KLHL4: variants seen among roughly 807,000 people sequenced by gnomAD.
The protein encoded by KLHL4 is kelch like family member 4.
Under a neutral mutation model 45.8 loss-of-function variants are expected in KLHL4, and 17 were observed. The ratio of observed to expected loss-of-function variants is 0.37; its 90% CI spans 0.25 to 0.56. The LOEUF (loss-of-function observed/expected upper bound fraction) is 0.56, where lower values mean the gene tolerates loss of function less well. KLHL4 is among the 20% of genes least tolerant of loss of function. The pLI is 0.79. For missense variants in KLHL4, 544 were observed against 544.9 expected (o/e 1.00, Z 0.02); for synonymous variants, 224 against 189.9 (o/e 1.18, Z -1.47).
intron 1 of KLHL4, among the ~76,000 whole-genome samples, chrX:87,583,063 G>A (rs1378873464): frequency 9.0e-6 from 1 of 111,255 alleles, no homozygotes; most frequent in Non-Finnish European, 1.9e-5. Flanking sequence ...TAATCCCCTT[G>A]CTAACTACAG....
rs1408440014 is a variant in KLHL4 at position 87,618,143 on chromosome X, T to C, written c.924+15T>C. 2 of 1,126,032 alleles carry C rather than the reference T, an allele frequency of 1.8e-6. No homozygotes were observed. Among genetic ancestry groups the C allele is most frequent in the Non-Finnish European group, 2.4e-6 (2 of 837,371 alleles). 92.8% of individuals were successfully genotyped at this position (1,126,032 alleles called of 1,213,427 possible). ...AATACACTATGGTAAAATCAATTGCTTCAACTGAACTTGTAGTAAAAATAT... is the reference window on the plus strand; with the variant it reads ...AATACACTATGGTAAAATCAATTGCCTCAACTGAACTTGTAGTAAAAATAT... On this transcript the variant is annotated intron_variant, in intron 4 of 10. Transcript: ENST00000373119.
At chrX:87,602,111 G>T (rs1019427930) in intron 1 of KLHL4, among the ~76,000 whole-genome samples, 1 of 110,816 alleles carries the variant, frequency 9.0e-6, no homozygotes, top group Admixed American at 9.6e-5. Context: ...ATATTTTTGT[G>T]CAGCTGTGCA....
At chrX:87,612,022 G>T (rs1250114497) in intron 1 of KLHL4, among the ~76,000 whole-genome samples, 1 of 111,947 alleles carries the variant, frequency 8.9e-6, no homozygotes, top group Non-Finnish European at 1.9e-5. Context: ...TGTACAGTGT[G>T]GTTAAGTGTT....
At chrX:87,623,236 A>G (rs1922810651) in intron 5 of KLHL4, among the ~76,000 whole-genome samples, 2 of 108,412 alleles carry the variant, frequency 1.8e-5, no homozygotes, top group Non-Finnish European at 3.8e-5. Context: ...TACTAATTAA[A>G]TGTTAATATT....
At chrX:87,662,312 G>T (rs1054047107) in intron 9 of KLHL4, among the ~76,000 whole-genome samples, 1 of 111,545 alleles carries the variant, frequency 9.0e-6, no homozygotes, top group East Asian at 2.8e-4. Context: ...AAATGAACAT[G>T]TGTTAAACAT....
At chrX:87,583,826 C>T (rs1921368550) in intron 1 of KLHL4, among the ~76,000 whole-genome samples, 2 of 110,975 alleles carry the variant, frequency 1.8e-5, no homozygotes, top group African/African-American at 3.3e-5. Flanking sequence ...TGCATAGCAA[C>T]TTAGGTACCA....
At chrX:87,646,303 A>G (rs1288129775) in intron 9 of KLHL4, among the ~76,000 whole-genome samples, 1 of 111,801 alleles carries the variant, frequency 8.9e-6, no homozygotes, top group Non-Finnish European at 1.9e-5. Flanking sequence ...CAGTATTGTG[A>G]TCATGACCAT....
intron 1 of KLHL4, among the ~76,000 whole-genome samples, chrX:87,552,618 A>G (rs1019149201): frequency 9.0e-6 from 1 of 110,966 alleles, no homozygotes; most frequent in African/African-American, 3.3e-5. Flanking sequence ...TTATAGCAGC[A>G]CTGTTTGCAA....
At chrX:87,571,337 C>T (rs181296349) in intron 1 of KLHL4, among the ~76,000 whole-genome samples, 197 of 110,991 alleles carry the variant, frequency 1.8e-3, no homozygotes, top group Non-Finnish European at 3.0e-3. Context: ...TCGAAAACCA[C>T]TCTTTTGGTG....
chrX:87,606,811 A>C (rs1922213975), intron 1 of KLHL4, among the ~76,000 whole-genome samples: 1 of 111,783 alleles, frequency 8.9e-6, no homozygotes, highest in Non-Finnish European at 1.9e-5. Context: ...AAAAATGTAG[A>C]AACTATTTTC....
At chrX:87,636,062 AAAC>A (rs1016037067) in intron 9 of KLHL4, among the ~76,000 whole-genome samples, 2 of 111,513 alleles carry the variant, frequency 1.8e-5, no homozygotes, top group African/African-American at 6.5e-5. Flanking sequence ...TTACATTTTT[AAAC>A]AACCAGAAAG....
chrX:87,633,110 A>T (rs911645772), intron 7 of KLHL4, among the ~76,000 whole-genome samples: 2 of 111,559 alleles, frequency 1.8e-5, no homozygotes, highest in Non-Finnish European at 3.8e-5. Context: ...TTTCAATATA[A>T]TTGATATTAG....
chrX:87,526,549 C>T (rs1344138127), intron 1 of KLHL4, among the ~76,000 whole-genome samples: 6 of 111,447 alleles, frequency 5.4e-5, no homozygotes, highest in African/African-American at 2.0e-4. Context: ...GTCTTTCTGG[C>T]CAGAAAAATC....
chrX:87,595,531 G>A (rs1427546903), intron 1 of KLHL4, among the ~76,000 whole-genome samples: 1 of 111,661 alleles, frequency 9.0e-6, no homozygotes, highest in East Asian at 2.8e-4. Context: ...ATTATCTTAT[G>A]TGAAGTGAAT....
At chrX:87,536,870 A>G (rs1248646371) in intron 1 of KLHL4, among the ~76,000 whole-genome samples, 4 of 111,666 alleles carry the variant, frequency 3.6e-5, no homozygotes, top group African/African-American at 6.5e-5. Flanking sequence ...AAAGAACTGT[A>G]TAGGTGGTTG....
At position 87,666,912 on chromosome X, in the gene KLHL4, GTT is replaced by G. The variant is rs538930195; in HGVS notation, c.*386_*387del. 10 of 699,090 alleles carry G rather than the reference GTT, an allele frequency of 1.4e-5. No homozygotes were observed. Among genetic ancestry groups the G allele is most frequent in the Non-Finnish European group, 1.7e-5 (10 of 590,953 alleles). 57.6% of individuals were successfully genotyped at this position (699,090 alleles called of 1,213,427 possible). A position where few individuals can be genotyped will look rare whatever the true frequency, so the allele number is the denominator to read the frequency against. ...GCCTTAAAAGTTAAAAACATTTTCA[GTT>G]TTTTTTTAAAAAACGTACTCTTATT... On this transcript the variant is annotated 3_prime_UTR_variant, in exon 11 of 11. Transcript: ENST00000373119.
At chrX:87,548,490 C>A (rs1931731822) in intron 1 of KLHL4, among the ~76,000 whole-genome samples, 1 of 111,538 alleles carries the variant, frequency 9.0e-6, no homozygotes, top group South Asian at 3.7e-4. Flanking sequence ...AACACTGTAA[C>A]TGTGTTGTGT....
At chrX:87,628,026 A>G (rs188753188) in intron 6 of KLHL4, among the ~76,000 whole-genome samples, 13 of 111,653 alleles carry the variant, frequency 1.2e-4, no homozygotes, top group East Asian at 8.4e-4. Flanking sequence ...TATGGAAGTA[A>G]ATGAAGGCAT....
intron 5 of KLHL4, among the ~76,000 whole-genome samples, chrX:87,623,059 C>G (rs1388582996): frequency 9.0e-6 from 1 of 111,016 alleles, no homozygotes; most frequent in African/African-American, 3.3e-5. Flanking sequence ...GCAAATTGAT[C>G]AATAAAATTT....
Sources: gnomAD v4.1 joint callset for allele counts (sites outside exome capture counted in the v4.1 genomes callset) on GRCh38, gnomAD v4.1.1 for gene constraint, MANE v1.5 for transcripts, NCBI Gene and HGNC (gene_info 2026-07-23, HGNC 2026-07-21) for gene names.